Variants in CLASP2 observed in about 807,000 individuals in gnomAD.
The protein encoded by CLASP2 is cytoplasmic linker associated protein 2.
In CLASP2, 47 loss-of-function variants were observed where a neutral mutation model predicts 194.4. The ratio of observed to expected loss-of-function variants is 0.24; its 90% confidence interval spans 0.19 to 0.31. CLASP2 has a LOEUF of 0.31. Among genes scored for constraint, CLASP2 ranks in the 10% least tolerant of loss-of-function variants. CLASP2 has a pLI of 1.00. For synonymous variants in CLASP2, 619 were observed against 633.5 expected (o/e 0.98, Z 0.34); for missense variants, 1,445 against 1,823.6 (o/e 0.79, Z 3.78).
intron 6 of CLASP2, among the ~76,000 whole-genome samples, chr3:33,672,712 T>C (rs972275348): frequency 3.9e-5 from 6 of 152,036 alleles, no homozygotes; most frequent in African/African-American, 1.4e-4. Flanking sequence ...TAGATGAATG[T>C]ACAACTAGAA....
intron 29 of CLASP2, among the ~76,000 whole-genome samples, chr3:33,551,691 C>T (rs1172074658): frequency 6.6e-6 from 1 of 152,112 alleles, no homozygotes; most frequent in Non-Finnish European, 1.5e-5. Context: ...TTTTGTTTTT[C>T]ACACACAATC....
At chr3:33,601,261 T>A (rs550372298) in intron 18 of CLASP2, among the ~76,000 whole-genome samples, 33 of 152,238 alleles carry the variant, frequency 2.2e-4, no homozygotes, top group Admixed American at 5.2e-4. Context: ...TGCCCGGCGA[T>A]AAGGCCCTTT....
At chr3:33,708,847 C>T (rs895915735) in intron 1 of CLASP2, among the ~76,000 whole-genome samples, 1 of 152,168 alleles carries the variant, frequency 6.6e-6, no homozygotes, top group Non-Finnish European at 1.5e-5. Context: ...ACATCCTCTC[C>T]AATACTTGTT....
intron 1 of CLASP2, among the ~76,000 whole-genome samples, chr3:33,705,554 C>G (rs2092636479): frequency 6.6e-6 from 1 of 152,050 alleles, no homozygotes; most frequent in African/African-American, 2.4e-5. Flanking sequence ...AATGAGATAT[C>G]AATAGAGCTG....
rs2063128636 is a variant in CLASP2, at chr3:33,568,386, C to T, written c.2764-1652G>A. Among the ~76,000 whole-genome samples the T allele has an allele frequency of 2.0e-5, 3 of 151,550 alleles. 1 individual carries two copies. The South Asian group carries it at 6.3e-4, about 32-fold the overall frequency. On this transcript the variant is annotated intron_variant, in intron 26 of 38. Coordinates refer to ENST00000682230, the MANE Select transcript of CLASP2 (RefSeq NM_001365631.1). ...TGGCCAACATGGTGAGAACCCGTCT[C>T]TACTAAAAATACGAAAAATGAGCAG...
At chr3:33,631,722 A>C (rs67723644) in intron 9 of CLASP2, among the ~76,000 whole-genome samples, 25,417 of 151,086 alleles carry the variant, frequency 0.17, 2,511 homozygotes, top group Admixed American at 0.3. Context: ...AATTCATTGC[A>C]GCATGATATG....
At chr3:33,603,405 G>A (rs1392313105) in intron 17 of CLASP2, among the ~76,000 whole-genome samples, 1 of 152,160 alleles carries the variant, frequency 6.6e-6, no homozygotes, top group African/African-American at 2.4e-5. Flanking sequence ...GGACTGTTTT[G>A]TAGATGAAGA....
At chr3:33,620,898 A>G (rs370178511) in intron 11 of CLASP2, among the ~76,000 whole-genome samples, 2 of 152,080 alleles carry the variant, frequency 1.3e-5, no homozygotes, top group Non-Finnish European at 2.9e-5. Context: ...GCTCCCAGGC[A>G]TTCGTTCCCT....
Position 33,718,143 on chromosome 3 carries a change from C to G in CLASP2, c.-141G>C. 2.4e-6 allele frequency: 2 copies of G among 821,954 alleles called. No individual in the cohort carries two copies. The highest frequency in any genetic ancestry group is 3.4e-6 in the Non-Finnish European group (2 of 587,518). The allele number at this position is 821,954 out of a possible 1,614,324, so 50.9% of individuals were successfully genotyped here. ...GGCGCGGCTTGCGGGGCGCAGCGGG[C>G]GGCGGGAGGAACGCCAAGCGCCCAG... On this transcript the variant is annotated 5_prime_UTR_variant, in exon 1 of 39. Coordinates refer to ENST00000682230, the MANE Select transcript of CLASP2 (RefSeq NM_001365631.1).
chr3:33,679,959 T>C (rs944000762), intron 6 of CLASP2, among the ~76,000 whole-genome samples: 4 of 152,198 alleles, frequency 2.6e-5, no homozygotes, highest in South Asian at 2.1e-4. Context: ...TGTTCATAAT[T>C]GCCAAAACTT....
chr3:33,535,782 CAGTT>C (rs1405239664), intron 33 of CLASP2, among the ~76,000 whole-genome samples: 1 of 152,078 alleles, frequency 6.6e-6, no homozygotes, highest in East Asian at 1.9e-4. Flanking sequence ...TTCTCCATGT[CAGTT>C]AAAGATACAA....
At chr3:33,648,620 C>A (rs765192674) in intron 7 of CLASP2, among the ~76,000 whole-genome samples, 1 of 152,130 alleles carries the variant, frequency 6.6e-6, no homozygotes, top group Non-Finnish European at 1.5e-5. Flanking sequence ...AAAACTAATT[C>A]ATTATCACTA....
intron 32 of CLASP2, among the ~76,000 whole-genome samples, chr3:33,542,087 C>T (rs1187785346): frequency 2.0e-5 from 3 of 151,990 alleles, no homozygotes; most frequent in Non-Finnish European, 2.9e-5. Flanking sequence ...CTCTGATGAT[C>T]AGTGATGCTG....
intron 20 of CLASP2, chr3:33,592,782 A>AC: frequency 2.6e-6 from 1 of 378,678 alleles, no homozygotes; most frequent in Non-Finnish European, 4.9e-6. Context: ...CACCATAAGC[A>AC]TGTCACTTGT....
chr3:33,676,958 C>T (rs1241793068), intron 6 of CLASP2, among the ~76,000 whole-genome samples: 3 of 152,214 alleles, frequency 2.0e-5, no homozygotes, highest in Non-Finnish European at 2.9e-5. Flanking sequence ...AAAAAATGCT[C>T]ACCATCACTG....
intron 1 of CLASP2, among the ~76,000 whole-genome samples, chr3:33,697,353 A>G (rs1397258327): frequency 6.6e-6 from 1 of 152,214 alleles, no homozygotes; most frequent in East Asian, 1.9e-4. Flanking sequence ...GCTATATGGT[A>G]TATCCTATTG....
intron 5 of CLASP2, among the ~76,000 whole-genome samples, chr3:33,685,342 C>CAAAAAAAAAAAAAAAAAAAAAAA (rs56240569): frequency 2.1e-5 from 1 of 48,142 alleles, no homozygotes; most frequent in African/African-American, 7.3e-5. Flanking sequence ...AACTCCGTCT[C>CAAAAAAAAAAAAAAAAAAAAAAA]AAAAAAAAAA....
intron 33 of CLASP2, among the ~76,000 whole-genome samples, chr3:33,537,577 C>A: frequency 6.6e-6 from 1 of 151,956 alleles, no homozygotes; most frequent in Non-Finnish European, 1.5e-5. Context: ...ATGGCAGAAG[C>A]AATAAACAAT....
intron 36 of CLASP2, among the ~76,000 whole-genome samples, chr3:33,513,615 T>G (rs770314245): frequency 1.3e-5 from 2 of 152,178 alleles, no homozygotes; most frequent in Non-Finnish European, 2.9e-5. Flanking sequence ...CACAGTGAAA[T>G]CTCTTAAAAA....
Sources: gnomAD v4.1 joint callset for allele counts (sites outside exome capture counted in the v4.1 genomes callset) on GRCh38, gnomAD v4.1.1 for gene constraint, MANE v1.5 for transcripts, NCBI Gene and HGNC (gene_info 2026-07-23, HGNC 2026-07-21) for gene names.